Variants in RNASEH2B observed in about 807,000 individuals in gnomAD.
The protein encoded by RNASEH2B is ribonuclease H2 subunit B.
Under a neutral mutation model 45.0 loss-of-function variants are expected in RNASEH2B, and 36 were observed. That is an observed-to-expected ratio of 0.80 (90% CI 0.61 to 1.06). RNASEH2B has a LOEUF of 1.06. Ranked by LOEUF, RNASEH2B falls within the 50% of genes least tolerant of loss-of-function variation. RNASEH2B has a pLI of 0.00. For synonymous variants in RNASEH2B, 119 were observed against 125.7 expected, an observed-to-expected ratio of 0.95 and a Z score of 0.35; for missense variants, 361 against 360.3, an observed-to-expected ratio of 1.00 and a Z score of -0.02.
chr13:50,943,876 T>C (rs1301631882), intron 6 of RNASEH2B, among the ~76,000 whole-genome samples: 1 of 152,176 alleles, frequency 6.6e-6, no homozygotes, highest in Non-Finnish European at 1.5e-5. Context: ...AAACCCTGTA[T>C]CTTAGTGATT....
At chr13:50,941,501 A>C (rs991095587) in intron 5 of RNASEH2B, 15 of 152,264 alleles carry the variant, frequency 9.9e-5, no homozygotes, top group African/African-American at 3.1e-4. Flanking sequence ...ATTTGGAGGT[A>C]GAGGCAAGAA....
intron 3 of RNASEH2B, among the ~76,000 whole-genome samples, 172 bp from the exon 4 acceptor site, chr13:50,930,511 A>G (rs1041542557): frequency 4.2e-4 from 64 of 152,248 alleles, no homozygotes; most frequent in Non-Finnish European, 1.0e-4. Flanking sequence ...CATAGAGCAC[A>G]TTCTGCCTTT....
At chr13:50,918,976 A>G (rs938266624) in intron 1 of RNASEH2B, among the ~76,000 whole-genome samples, 1 of 152,196 alleles carries the variant, frequency 6.6e-6, no homozygotes, top group Non-Finnish European at 1.5e-5. Context: ...AATAAAGTAA[A>G]TGGTGCTTTG....
intron 4 of RNASEH2B, 139 bp from the exon 5 acceptor site, chr13:50,934,746 G>A (rs1251971513): frequency 1.4e-6 from 1 of 701,704 alleles, no homozygotes; most frequent in African/African-American, 1.8e-5. Flanking sequence ...CTGTCCCATT[G>A]TAGGGATTCC....
intron 7 of RNASEH2B, among the ~76,000 whole-genome samples, chr13:50,946,074 A>G (rs181382579): frequency 6.6e-6 from 1 of 152,348 alleles, no homozygotes; most frequent in East Asian, 1.9e-4. Context: ...TTCCTGATAC[A>G]GGGATCAATA....
chr13:50,967,113 C>T (rs1952172561), intron 9 of RNASEH2B, among the ~76,000 whole-genome samples: 1 of 152,122 alleles, frequency 6.6e-6, no homozygotes, highest in South Asian at 2.1e-4. Flanking sequence ...TCTTTCCCTC[C>T]AGCCGCTGGT....
intron 1 of RNASEH2B, among the ~76,000 whole-genome samples, chr13:50,926,835 T>TA (rs3042189): frequency 1.9e-4 from 28 of 149,024 alleles, no homozygotes; most frequent in East Asian, 1.2e-3. Flanking sequence ...CACAAAGTAG[T>TA]AAAAAAAAAG....
At chr13:50,961,085 A>T (rs992853724), downstream of RNASEH2B, among the ~76,000 whole-genome samples, 6 of 152,198 alleles carry the variant, frequency 3.9e-5, no homozygotes, top group African/African-American at 1.4e-4. Flanking sequence ...TTCTCAGTAC[A>T]CCATGGCAGG....
intron 5 of RNASEH2B, chr13:50,942,420 A>G (rs1338960392): frequency 2.6e-5 from 4 of 152,140 alleles, no homozygotes; most frequent in Admixed American, 6.5e-5. Flanking sequence ...TCTTTTTTTA[A>G]TGCTCCCCCA....
chr13:50,965,512 C>G (rs780859264), intron 9 of RNASEH2B, among the ~76,000 whole-genome samples: 3 of 152,210 alleles, frequency 2.0e-5, no homozygotes, highest in Non-Finnish European at 2.9e-5. Context: ...AATTAACCAA[C>G]CAACCAATCC....
At chr13:50,963,919 C>T (rs879777142) in intron 9 of RNASEH2B, among the ~76,000 whole-genome samples, 22 of 152,178 alleles carry the variant, frequency 1.4e-4, no homozygotes, top group African/African-American at 3.9e-4. Flanking sequence ...GAGTCCCGGC[C>T]GGGTGCGTTG....
intron 9 of RNASEH2B, chr13:50,969,811 G>A (rs1952203113): frequency 3.3e-6 from 3 of 900,644 alleles, no homozygotes; most frequent in Non-Finnish European, 5.2e-6. Flanking sequence ...ATGCTCAGCT[G>A]CCCTCAGGAC....
chr13:50,969,840 G>A (rs1952203358), intron 9 of RNASEH2B: 15 of 1,294,010 alleles, frequency 1.2e-5, no homozygotes, highest in East Asian at 2.5e-5. Context: ...CCAGCCCTGC[G>A]TTCTGTTCTA....
At chr13:50,938,154 A>ACT (rs1951782747) in intron 5 of RNASEH2B, 1 of 152,268 alleles carries the variant, frequency 6.6e-6, no homozygotes, top group Non-Finnish European at 1.5e-5. Context: ...ATAATGGAAT[A>ACT]AAAACATACC....
intron 1 of RNASEH2B, 69 bp downstream of exon 1, chr13:50,910,209 G>C (rs1209043396): frequency 8.5e-6 from 10 of 1,171,696 alleles, no homozygotes; most frequent in Non-Finnish European, 1.1e-5. Flanking sequence ...CCCCGGGCGC[G>C]CCGCCCCCCA....
At chr13:50,956,235 A>C in intron 10 of RNASEH2B, 123 bp from the exon 11 acceptor site, 1 of 761,072 alleles carries the variant, frequency 1.3e-6, no homozygotes, top group Non-Finnish European at 2.2e-6. Flanking sequence ...CTTATGAAGC[A>C]TGTTAGTGGG....
intron 1 of RNASEH2B, chr13:50,911,172 T>C (rs1879367550): frequency 6.6e-6 from 1 of 152,264 alleles, no homozygotes; most frequent in African/African-American, 2.4e-5. Flanking sequence ...CTCATGCCTG[T>C]TCCTAGATAG....
intron 5 of RNASEH2B, chr13:50,936,650 TTTAA>T (rs1951756465): frequency 6.6e-6 from 1 of 152,218 alleles, no homozygotes; most frequent in Non-Finnish European, 1.5e-5. Context: ...TGAAGAATAA[TTTAA>T]TTAAGCCATG....
chr13:50,945,381 G>A, intron 6 of RNASEH2B, 46 bp from the exon 7 acceptor site: 2 of 1,352,824 alleles, frequency 1.5e-6, no homozygotes, highest in South Asian at 1.2e-5. Context: ...GATTTCTAAA[G>A]TTAAGTTGAA....
Sources: allele counts gnomAD v4.1 joint callset (sites outside exome capture counted in the v4.1 genomes callset), GRCh38; gene constraint gnomAD v4.1.1; transcripts MANE v1.5; gene names NCBI Gene and HGNC (gene_info 2026-07-23, HGNC 2026-07-21).